Variants in TNNI3K observed in about 807,000 individuals in gnomAD.
The protein encoded by TNNI3K is TNNI3 interacting kinase.
TNNI3K carries 140 observed loss-of-function variants against 114.5 expected under a neutral mutation model. The observed-to-expected ratio is 1.22, with a 90% CI of 1.07 to 1.41. TNNI3K has a LOEUF of 1.41. Ranked by LOEUF, TNNI3K falls within the 40% of genes most tolerant of loss-of-function variation. The probability of loss-of-function intolerance (pLI) is 0.00; values close to 1 mark genes in which losing one functional copy is unlikely to be tolerated. For missense variants in TNNI3K, 1,125 were observed against 1,007.6 expected (o/e 1.12, Z -1.58); for synonymous variants, 347 against 347.5 (o/e 1.00, Z 0.02).
At chr1:74,362,142 G>A (rs1412768303) in intron 11 of TNNI3K, among the ~76,000 whole-genome samples, 1 of 152,120 alleles carries the variant, frequency 6.6e-6, no homozygotes, top group Non-Finnish European at 1.5e-5. Flanking sequence ...CAGGAGGAAG[G>A]TGAGCCATTG....
intron 16 of TNNI3K, 123 bp from the exon 17 acceptor site, chr1:74,370,165 C>A: frequency 1.3e-6 from 1 of 766,568 alleles, no homozygotes; most frequent in Non-Finnish European, 1.9e-6. Flanking sequence ...GAATTTCTAG[C>A]TTAACCTTCA....
intron 5 of TNNI3K, among the ~76,000 whole-genome samples, chr1:74,294,269 T>C (rs992265035): frequency 2.6e-5 from 4 of 152,032 alleles, no homozygotes; most frequent in Non-Finnish European, 5.9e-5. Flanking sequence ...TAGAAAGTTC[T>C]ATTCTTTGGA....
In TNNI3K at chr1:74,343,152, A is replaced by C. The variant is rs775336290; in HGVS notation, c.905A>C (p.Asn302Thr). 1 of 1,612,684 alleles carries C rather than the reference A, an allele frequency of 6.2e-7. No homozygotes were observed. Among genetic ancestry groups the C allele is most frequent in the South Asian group, 1.1e-5 (1 of 90,946 alleles). The change falls in exon 9 of 25, where the codon AAC (asparagine) becomes ACC (threonine). Residue 302 changes from asparagine (N) to threonine (T), a missense_variant. Coordinates refer to ENST00000326637, the MANE Select transcript of TNNI3K (RefSeq NM_015978.3). ...GGAACAGAAAGTCTGACTAAGGAAAACATCTTCAGTGAAACAGCTTTTCAT... is the reference window on the plus strand; with the variant it reads ...GGAACAGAAAGTCTGACTAAGGAAACCATCTTCAGTGAAACAGCTTTTCAT... ...ISGTESLTKE[N>T]IFSETAFHSA...
At chr1:74,492,306 T>G in intron 23 of TNNI3K, 40 bp downstream of exon 23, 1 of 1,444,210 alleles carries the variant, frequency 6.9e-7, no homozygotes, top group Non-Finnish European at 9.3e-7. Flanking sequence ...TAAAGTCTTA[T>G]TTCAGAATCT....
At chr1:74,425,333 A>T (rs931379024) in intron 17 of TNNI3K, among the ~76,000 whole-genome samples, 1 of 152,148 alleles carries the variant, frequency 6.6e-6, no homozygotes, top group Admixed American at 6.6e-5. Flanking sequence ...AATGTTGAAT[A>T]TATAGAAAAC....
At chr1:74,375,567 G>A (rs1662864183) in intron 17 of TNNI3K, 1 of 455,106 alleles carries the variant, frequency 2.2e-6, no homozygotes, top group Non-Finnish European at 4.4e-6. Flanking sequence ...TTTTGCAGAT[G>A]CTGTACAGGA....
intron 23 of TNNI3K, among the ~76,000 whole-genome samples, chr1:74,492,724 TA>T (rs1669141453): frequency 6.6e-6 from 1 of 152,200 alleles, no homozygotes; most frequent in African/African-American, 2.4e-5. Context: ...TTCAAATGTT[TA>T]TAGAGCAATA....
chr1:74,279,541 T>C (rs564047574), intron 5 of TNNI3K, among the ~76,000 whole-genome samples: 2 of 151,968 alleles, frequency 1.3e-5, no homozygotes, highest in African/African-American at 4.8e-5. Context: ...CCCTAAAGAG[T>C]ATTAGAAGAA....
chr1:74,528,339 G>A (rs1050055432), intron 23 of TNNI3K, among the ~76,000 whole-genome samples: 4 of 152,090 alleles, frequency 2.6e-5, no homozygotes, highest in African/African-American at 9.7e-5. Flanking sequence ...GCTGAGTGCT[G>A]GATCCCCAGG....
chr1:74,534,308 A>G (rs567123424), intron 23 of TNNI3K, among the ~76,000 whole-genome samples: 3 of 152,290 alleles, frequency 2.0e-5, no homozygotes, highest in African/African-American at 7.2e-5. Context: ...CACGCTCAGA[A>G]GAATGTGATT....
Position 74,541,353 on chromosome 1 carries a change from G to T in TNNI3K, c.2431+1040G>T, listed in dbSNP as rs1021683606. On this transcript the variant is annotated intron_variant, in intron 24 of 24. Transcript: ENST00000326637. The stretch of plus-strand genomic sequence containing the variant: ...AACTATTTGGGCACATTTAAAAAAG[G>T]GAAATTTTGTGCTTCTGACTCCCAA... Among the ~76,000 whole-genome samples, 85 of 152,110 alleles carry T rather than the reference G, an allele frequency of 5.6e-4. 1 individual carries two copies. Among genetic ancestry groups the T allele is most frequent in the Non-Finnish European group, 8.4e-4 (57 of 68,020 alleles).
At chr1:74,434,366 C>T (rs1006401772) in intron 17 of TNNI3K, among the ~76,000 whole-genome samples, 24 of 152,028 alleles carry the variant, frequency 1.6e-4, no homozygotes, top group African/African-American at 5.8e-4. Context: ...ATCTAGAATT[C>T]ATTTCCCCTT....
intron 5 of TNNI3K, among the ~76,000 whole-genome samples, chr1:74,284,288 G>C (rs1020599561): frequency 6.6e-6 from 1 of 151,994 alleles, no homozygotes; most frequent in Non-Finnish European, 1.5e-5. Flanking sequence ...CCCTTTAGTG[G>C]ATCTCCGAAG....
chr1:74,254,859 C>T (rs932415637), intron 4 of TNNI3K, among the ~76,000 whole-genome samples: 3 of 152,208 alleles, frequency 2.0e-5, no homozygotes, highest in Non-Finnish European at 2.9e-5. Flanking sequence ...AGGAGGAGCA[C>T]ATCCACCCTA....
Position 74,369,040 on chromosome 1 carries a change from T to C in TNNI3K, c.1340T>C (p.Leu447Pro). ...TTTGCAGAGAAGGCAGATATTCTCC[T>C]CCTAAGAGCTGGATTGCCTTCACAT... ...SMTKEKADIL[L>P]LRAGLPSHFH... The change falls in exon 14 of 25, where the codon CTC becomes CCC. Residue 447 changes from leucine (L) to proline (P), a missense_variant. Transcript: ENST00000326637. 1 of 1,604,428 alleles carries C rather than the reference T, an allele frequency of 6.2e-7. No individual in the cohort carries two copies. The highest frequency in any genetic ancestry group is 8.5e-7 in the Non-Finnish European group (1 of 1,176,710).
intron 21 of TNNI3K, chr1:74,469,618 G>A (rs1302041792): frequency 6.4e-6 from 2 of 313,336 alleles, no homozygotes; most frequent in Non-Finnish European, 1.2e-5. Context: ...GCAAGACTTG[G>A]CAAAACTTTT....
chr1:74,494,750 T>C (rs947733784), intron 23 of TNNI3K, among the ~76,000 whole-genome samples: 4 of 152,220 alleles, frequency 2.6e-5, no homozygotes, highest in Admixed American at 2.0e-4. Flanking sequence ...TCAAGTTATT[T>C]AAATCTCACA....
At chr1:74,372,861 T>G (rs1447835075) in intron 17 of TNNI3K, 1 of 151,914 alleles carries the variant, frequency 6.6e-6, no homozygotes, top group Admixed American at 6.6e-5. Flanking sequence ...GAACATTTAC[T>G]ATATAGCTGA....
At chr1:74,321,490 G>A (rs1490902281) in intron 5 of TNNI3K, among the ~76,000 whole-genome samples, 2 of 151,850 alleles carry the variant, frequency 1.3e-5, no homozygotes, top group African/African-American at 4.8e-5. Flanking sequence ...GATATCACTT[G>A]TATCTTCAGC....
Sources: gnomAD v4.1 joint callset for allele counts (sites outside exome capture counted in the v4.1 genomes callset) on GRCh38, gnomAD v4.1.1 for gene constraint, MANE v1.5 for transcripts, NCBI Gene and HGNC (gene_info 2026-07-23, HGNC 2026-07-21) for gene names.